Variants in TAFA1 observed in about 807,000 individuals in gnomAD.
The protein encoded by TAFA1 is TAFA chemokine like family member 1.
In TAFA1, 4 loss-of-function variants were observed where a neutral mutation model predicts 18.5. That is an observed-to-expected ratio of 0.22 (90% CI 0.11 to 0.49). The LOEUF is 0.49. Among genes scored for constraint, TAFA1 ranks in the 20% least tolerant of loss-of-function variants. The pLI is 0.98. For synonymous variants in TAFA1, 56 were observed against 55.2 expected (o/e 1.01, Z -0.06); for missense variants, 147 against 169.0 (o/e 0.87, Z 0.72).
chr3:68,541,764 G>A (rs1273405695), intron 4 of TAFA1, among the ~76,000 whole-genome samples: 2 of 152,110 alleles, frequency 1.3e-5, no homozygotes, highest in African/African-American at 4.8e-5. Context: ...ATAATCCAGG[G>A]AAAGGTTCCT....
the TAFA1 span, among the ~76,000 whole-genome samples, chr3:67,992,455 G>T: frequency 6.6e-6 from 1 of 152,124 alleles, no homozygotes; most frequent in Non-Finnish European, 1.5e-5. Flanking sequence ...TTTCTATCCT[G>T]AGTTTTGTCT....
At chr3:68,010,685 A>G (rs1042378879) in intron 2 of TAFA1, among the ~76,000 whole-genome samples, 2 of 152,222 alleles carry the variant, frequency 1.3e-5, no homozygotes, top group African/African-American at 4.8e-5. Flanking sequence ...AGATTAAAAC[A>G]GTCAATCAAA....
intron 2 of TAFA1, among the ~76,000 whole-genome samples, chr3:68,302,329 T>C (rs1227167782): frequency 1.3e-5 from 2 of 152,194 alleles, no homozygotes; most frequent in Non-Finnish European, 2.9e-5. Context: ...CCATCTCTTA[T>C]GTATTAAACA....
chr3:68,374,064 C>A (rs945182605), intron 2 of TAFA1, among the ~76,000 whole-genome samples: 3 of 152,128 alleles, frequency 2.0e-5, no homozygotes, highest in African/African-American at 7.2e-5. Context: ...CAGAAATAGA[C>A]CAAAGATGGT....
At chr3:68,418,017 C>T (rs189754307) in intron 3 of TAFA1, among the ~76,000 whole-genome samples, 18 of 152,190 alleles carry the variant, frequency 1.2e-4, no homozygotes, top group Admixed American at 1.2e-3. Context: ...GCCCCTGTTC[C>T]AACACTGGGG....
chr3:68,437,411 C>A (rs1412334031), intron 3 of TAFA1, among the ~76,000 whole-genome samples: 3 of 152,098 alleles, frequency 2.0e-5, no homozygotes, highest in Non-Finnish European at 4.4e-5. Context: ...AAGAGAATAT[C>A]TGCATCTGGT....
intron 2 of TAFA1, among the ~76,000 whole-genome samples, chr3:68,039,834 G>C (rs1705127347): frequency 6.6e-6 from 1 of 152,048 alleles, no homozygotes; most frequent in South Asian, 2.1e-4. Flanking sequence ...GCTTTCTGGG[G>C]GACTGTGAAG....
chr3:68,149,140 A>C (rs913073312), intron 2 of TAFA1, among the ~76,000 whole-genome samples: 3 of 152,114 alleles, frequency 2.0e-5, no homozygotes, highest in Non-Finnish European at 4.4e-5. Flanking sequence ...TTTACCCCCA[A>C]CTTATGGTTA....
intron 2 of TAFA1, among the ~76,000 whole-genome samples, chr3:68,257,360 A>C (rs889100674): frequency 2.0e-5 from 3 of 151,816 alleles, no homozygotes; most frequent in African/African-American, 7.3e-5. Flanking sequence ...TTGTGGTGTC[A>C]TGTTTTCTAT....
At chr3:68,047,322 C>A (rs939609174) in intron 2 of TAFA1, among the ~76,000 whole-genome samples, 3 of 152,138 alleles carry the variant, frequency 2.0e-5, no homozygotes, top group African/African-American at 4.8e-5. Context: ...AATTCTGGAA[C>A]AACCTTCCAG....
At chr3:68,123,360 A>G (rs2106865284) in intron 2 of TAFA1, among the ~76,000 whole-genome samples, 1 of 152,288 alleles carries the variant, frequency 6.6e-6, no homozygotes, top group East Asian at 1.9e-4. Context: ...ATGTTGTCCA[A>G]TAAAAACACA....
chr3:68,288,987 CTT>C (rs1464708009), intron 2 of TAFA1, among the ~76,000 whole-genome samples: 2 of 152,156 alleles, frequency 1.3e-5, no homozygotes, highest in African/African-American at 4.8e-5. Context: ...TAGCTCATGT[CTT>C]GAAGTATTTG....
At chr3:68,150,002 A>T (rs1293449201) in intron 2 of TAFA1, among the ~76,000 whole-genome samples, 1 of 152,200 alleles carries the variant, frequency 6.6e-6, no homozygotes, top group Non-Finnish European at 1.5e-5. Flanking sequence ...GATACTGCAT[A>T]GGTAATGAAG....
At chr3:68,449,589 C>A (rs2071534252) in intron 3 of TAFA1, among the ~76,000 whole-genome samples, 1 of 152,030 alleles carries the variant, frequency 6.6e-6, no homozygotes, top group Admixed American at 6.6e-5. Flanking sequence ...AAGAAGACTA[C>A]CCTCTCTCCA....
chr3:68,394,893 A>AAG (rs2070342907), intron 2 of TAFA1, among the ~76,000 whole-genome samples: 2 of 152,220 alleles, frequency 1.3e-5, no homozygotes, highest in African/African-American at 4.8e-5. Context: ...GGCACTGGCA[A>AAG]AGACTTCATG....
chr3:68,230,869 T>G (rs536749479), intron 2 of TAFA1, among the ~76,000 whole-genome samples: 1 of 152,194 alleles, frequency 6.6e-6, no homozygotes, highest in African/African-American at 2.4e-5. Flanking sequence ...TCTCTGATAT[T>G]AGTGATGTTG....
At chr3:68,275,384 T>C (rs2067774959) in intron 2 of TAFA1, among the ~76,000 whole-genome samples, 5 of 152,078 alleles carry the variant, frequency 3.3e-5, no homozygotes, top group Middle Eastern at 6.8e-3. Flanking sequence ...TGTGTTCTCT[T>C]GAAGGTGCAG....
intron 2 of TAFA1, among the ~76,000 whole-genome samples, chr3:68,148,095 G>A (rs1021140420): frequency 6.6e-6 from 1 of 152,140 alleles, no homozygotes; most frequent in African/African-American, 2.4e-5. Context: ...GTGTAGAAGA[G>A]GCAGGAGAAA....
intron 2 of TAFA1, among the ~76,000 whole-genome samples, chr3:68,239,316 AT>A (rs2066968979): frequency 6.6e-6 from 1 of 152,174 alleles, no homozygotes; most frequent in Non-Finnish European, 1.5e-5. Flanking sequence ...TCAATAAGTT[AT>A]TAGAACTCAG....
Sources: gnomAD v4.1 joint callset for allele counts (sites outside exome capture counted in the v4.1 genomes callset) on GRCh38, gnomAD v4.1.1 for gene constraint, MANE v1.5 for transcripts, NCBI Gene and HGNC (gene_info 2026-07-23, HGNC 2026-07-21) for gene names.